CTNND2: variants seen among roughly 807,000 people sequenced by gnomAD.
CTNND2 encodes the protein catenin delta-2.
CTNND2 carries 22 observed loss-of-function variants against 144.4 expected under a neutral mutation model. The ratio of observed to expected loss-of-function variants is 0.15; its 90% confidence interval spans 0.11 to 0.22. CTNND2 has a LOEUF of 0.22. Among genes scored for constraint, CTNND2 ranks in the 10% least tolerant of loss-of-function variants. The pLI, the probability that CTNND2 is intolerant of heterozygous loss-of-function variation, is 1.00. For synonymous variants in CTNND2, 751 were observed against 695.6 expected (o/e 1.08, Z -1.25); for missense variants, 1,353 against 1,618.8 (o/e 0.84, Z 2.82).
rs376137480 is a variant in CTNND2 at position 11,723,036 on chromosome 5, T to C, written c.174+9100A>G. On this transcript the variant is annotated intron_variant, in intron 2 of 21. Transcript: ENST00000304623. ...ACAAAATAAGCACTAAAACAAATAA[T>C]TGGATTTTTCTGAGACTCTGGGGAA... is the stretch of plus-strand genomic sequence containing the variant. Among the ~76,000 whole-genome samples the C allele has an allele frequency of 3.3e-4, 50 of 152,198 alleles. 1 individual carries two copies. The East Asian group carries it at 4.8e-3, about 15-fold the overall frequency.
intron 9 of CTNND2, among the ~76,000 whole-genome samples, chr5:11,252,613 T>C (rs1031932288): frequency 1.3e-5 from 2 of 152,192 alleles, no homozygotes; most frequent in Non-Finnish European, 2.9e-5. Flanking sequence ...GTGCCATAAA[T>C]ATTCCATTTT....
At chr5:11,163,005 A>G (rs1436308805) in intron 11 of CTNND2, among the ~76,000 whole-genome samples, 1 of 152,092 alleles carries the variant, frequency 6.6e-6, no homozygotes, top group Non-Finnish European at 1.5e-5. Flanking sequence ...ACAAATGGAA[A>G]ATAAATTTTT....
At chr5:11,533,337 G>A (rs31789) in intron 3 of CTNND2, among the ~76,000 whole-genome samples, 4,078 of 152,316 alleles carry the variant, frequency 0.027, 56 homozygotes, top group African/African-American at 0.045. Flanking sequence ...ATACTCAGGA[G>A]TGTCCTTGAA....
intron 12 of CTNND2, among the ~76,000 whole-genome samples, chr5:11,121,102 G>A (rs1283560899): frequency 6.6e-6 from 1 of 152,178 alleles, no homozygotes; most frequent in Non-Finnish European, 1.5e-5. Context: ...AATAGCATAA[G>A]CTTGTTAGTA....
At chr5:11,397,265 T>C in intron 5 of CTNND2, 62 bp from the exon 6 acceptor site, 1 of 1,449,636 alleles carries the variant, frequency 6.9e-7, no homozygotes, top group Non-Finnish European at 9.5e-7. Context: ...ATGACATGTA[T>C]TATTTATTGA....
At chr5:11,369,278 T>C (rs1044940920) in intron 7 of CTNND2, among the ~76,000 whole-genome samples, 2 of 152,198 alleles carry the variant, frequency 1.3e-5, no homozygotes, top group Non-Finnish European at 2.9e-5. Context: ...GAATAGGGCA[T>C]AAATTAAATC....
At chr5:11,783,353 T>C (rs1790648045) in intron 1 of CTNND2, among the ~76,000 whole-genome samples, 1 of 152,094 alleles carries the variant, frequency 6.6e-6, no homozygotes, top group African/African-American at 2.4e-5. Context: ...AATTATGTAA[T>C]CTGCTCTATA....
At chr5:11,813,088 T>C (rs1663948743) in intron 1 of CTNND2, among the ~76,000 whole-genome samples, 4 of 152,196 alleles carry the variant, frequency 2.6e-5, no homozygotes, top group African/African-American at 9.7e-5. Flanking sequence ...TATATCAAAG[T>C]AGTCCCGTAA....
chr5:11,637,079 A>G (rs1581644827), intron 2 of CTNND2, among the ~76,000 whole-genome samples: 1 of 152,224 alleles, frequency 6.6e-6, no homozygotes, highest in Admixed American at 6.5e-5. Context: ...ACAAGAAAAA[A>G]GCAAAACAGC....
intron 1 of CTNND2, among the ~76,000 whole-genome samples, chr5:11,863,530 C>T (rs1795602383): frequency 6.6e-6 from 1 of 152,160 alleles, no homozygotes. Flanking sequence ...ATTATAGATG[C>T]TTGGATATGT....
At chr5:11,737,315 T>C (rs977229256) in intron 1 of CTNND2, among the ~76,000 whole-genome samples, 3 of 152,104 alleles carry the variant, frequency 2.0e-5, no homozygotes, top group African/African-American at 7.2e-5. Flanking sequence ...GTGAGTAGAG[T>C]GCACAATTTA....
chr5:11,589,881 C>T (rs1192963623), intron 2 of CTNND2, among the ~76,000 whole-genome samples: 1 of 152,096 alleles, frequency 6.6e-6, no homozygotes, highest in Non-Finnish European at 1.5e-5. Flanking sequence ...ATGATATCTG[C>T]AGAAGTACTT....
chr5:11,456,304 G>A (rs1765728404), intron 3 of CTNND2, among the ~76,000 whole-genome samples: 1 of 147,658 alleles, frequency 6.8e-6, no homozygotes, highest in South Asian at 2.1e-4. Flanking sequence ...TTTTTCTTTT[G>A]CCTTTTTGAT....
intron 3 of CTNND2, among the ~76,000 whole-genome samples, chr5:11,471,033 A>T (rs1181810595): frequency 7.3e-6 from 1 of 137,058 alleles, no homozygotes; most frequent in Non-Finnish European, 1.5e-5. Context: ...GCTGGAGTGC[A>T]GTGGCGCGAT....
chr5:11,260,153 G>C (rs1171878059), intron 9 of CTNND2, among the ~76,000 whole-genome samples: 1 of 152,138 alleles, frequency 6.6e-6, no homozygotes, highest in Non-Finnish European at 1.5e-5. Context: ...GGAAGGAGGA[G>C]TAGAACAGAC....
In CTNND2 at chr5:11,898,586, ATAAAG is replaced by A. The variant is rs1314279886; in HGVS notation, c.37+5226_37+5230del. Among the ~76,000 whole-genome samples the A allele has an allele frequency of 2.6e-5, 4 of 152,308 alleles. No individual in the cohort carries two copies. The East Asian group carries it at 5.8e-4, about 22-fold the overall frequency. Reference sequence around the variant, plus strand: ...AATTGTTCCCCCATCATCTAGTGTTATAAAGTAAACATCCTATTTAGTAACATTTC... The same window carrying A: ...AATTGTTCCCCCATCATCTAGTGTTATAAACATCCTATTTAGTAACATTTC... On this transcript the variant is annotated intron_variant, in intron 1 of 21. Coordinates refer to ENST00000304623, the MANE Select transcript of CTNND2 (RefSeq NM_001332.4).
intron 1 of CTNND2, among the ~76,000 whole-genome samples, chr5:11,804,036 A>C (rs1211178105): frequency 6.6e-6 from 1 of 152,130 alleles, no homozygotes; most frequent in Non-Finnish European, 1.5e-5. Flanking sequence ...ACTTCTATAA[A>C]GTCTTCACAT....
intron 3 of CTNND2, among the ~76,000 whole-genome samples, chr5:11,491,773 T>C (rs1014421078): frequency 2.0e-5 from 3 of 152,178 alleles, no homozygotes; most frequent in East Asian, 3.9e-4. Context: ...AATGGAGAGA[T>C]GCTAAAGTGA....
At chr5:11,544,705 G>A (rs1387784382) in intron 3 of CTNND2, among the ~76,000 whole-genome samples, 1 of 152,216 alleles carries the variant, frequency 6.6e-6, no homozygotes, top group African/African-American at 2.4e-5. Context: ...CATGAGGGCT[G>A]GGCATGGTGG....
Sources: allele counts gnomAD v4.1 joint callset (sites outside exome capture counted in the v4.1 genomes callset), GRCh38; gene constraint gnomAD v4.1.1; transcripts MANE v1.5; gene names NCBI Gene and HGNC (gene_info 2026-07-23, HGNC 2026-07-21).